The following PRKD2 variants were observed in gnomAD, a reference collection of about 807,000 sequenced individuals.
The protein encoded by PRKD2 is serine/threonine-protein kinase D2.
In PRKD2, 22 loss-of-function variants were observed where a neutral mutation model predicts 86.0. That is an observed-to-expected ratio of 0.26 (90% CI 0.18 to 0.37). The LOEUF (loss-of-function observed/expected upper bound fraction) is 0.37. Among genes scored for constraint, PRKD2 ranks in the 10% least tolerant of loss-of-function variants. PRKD2 has a pLI of 1.00. For missense variants in PRKD2, 818 were observed against 1,199.2 expected (o/e 0.68, Z 4.70); for synonymous variants, 509 against 510.9 (o/e 1.00, Z 0.05).
Position 46,716,309 on chromosome 19 carries a change from G to T in PRKD2, c.62C>A (p.Pro21Gln), listed in dbSNP as rs759742456. The T allele has an allele frequency of 8.5e-6, 13 of 1,521,224 alleles. No homozygotes were observed. The highest frequency in any genetic ancestry group is 1.1e-5 in the Non-Finnish European group (12 of 1,136,726). The allele number at this position is 1,521,224 out of a possible 1,614,324, so 94.2% of individuals were successfully genotyped here. A position where few individuals can be genotyped will look rare whatever the true frequency, so the allele number is the denominator to read the frequency against. The part of the protein sequence containing the change: ...LPGSPGPGSP[P>Q]PPGGLELQSP... ...CTGCAGCTCTAGGCCGCCGGGGGGC[G>T]GAGGAGACCCCGGCCCGGGAGAGCC... The change falls in exon 1 of 18, where the codon CCG (proline) becomes CAG (glutamine). Residue 21 changes from proline (P) to glutamine (Q), a missense_variant. Around this residue, in one of 5 missense-constraint regions of PRKD2, gnomAD observed 403 missense variants for 518.6 expected, o/e 0.78. Coordinates refer to ENST00000291281, the MANE Select transcript of PRKD2 (RefSeq NM_016457.5). This position sits in a 1 kb window ranked among gnomAD's most constrained non-coding sequence, Gnocchi z 7.9.
rs113429103 is a variant in PRKD2, at chr19:46,675,637, G to A, written c.2339-519C>T. Among the ~76,000 whole-genome samples, 1,434 of 152,216 alleles carry A rather than the reference G, an allele frequency of 9.4e-3. 20 individuals are homozygous for A. The highest frequency in any genetic ancestry group is 0.032 in the African/African-American group (1,340 of 41,530). ...TTTTTGTATTTTTAGTAGAGATGGG[G>A]TTTCACCATATTGGCCAGGCTGGTC... On this transcript the variant is annotated intron_variant, in intron 16 of 17. Coordinates refer to ENST00000291281, the MANE Select transcript of PRKD2 (RefSeq NM_016457.5).
intron 15 of PRKD2, among the ~76,000 whole-genome samples, chr19:46,679,068 C>T (rs939210146): frequency 3.9e-5 from 6 of 152,092 alleles, no homozygotes; most frequent in East Asian, 3.8e-4. Flanking sequence ...ATGATTGGGG[C>T]GTGGTGGCTC....
intron 3 of PRKD2, among the ~76,000 whole-genome samples, chr19:46,709,717 G>A (rs2053774780): frequency 6.6e-6 from 1 of 152,064 alleles, no homozygotes; most frequent in African/African-American, 2.4e-5. Context: ...CTGTAAGTGG[G>A]AGAGGTGATC....
At chr19:46,686,422 G>A (rs2050599778) in intron 14 of PRKD2, among the ~76,000 whole-genome samples, 1 of 150,418 alleles carries the variant, frequency 6.6e-6, no homozygotes, top group South Asian at 2.1e-4. Flanking sequence ...GATCGCTCGA[G>A]CCCAGGAGTT....
Position 46,701,045 on chromosome 19 carries a change from A to G in PRKD2, c.957T>C (p.Leu319=). 6.2e-7 allele frequency: 1 copy of G among 1,614,116 alleles called. No individual in the cohort carries two copies. The highest frequency in any genetic ancestry group is 1.1e-5 in the South Asian group (1 of 91,076). The change falls in exon 6 of 18, where the codon CTT becomes CTC. Residue 319 remains leucine, a synonymous_variant. Transcript: ENST00000291281. The part of the protein sequence containing the change: ...RVPNDCLGEA[L]INGDVPMEEA... Reference sequence around the variant, plus strand: ...CCCCCAGCCTCTCACCTCCATTGATAAGGGCCTCCCCCAGGCAGTCATTAG... The same window carrying G: ...CCCCCAGCCTCTCACCTCCATTGATGAGGGCCTCCCCCAGGCAGTCATTAG...
chr19:46,692,843 C>A (rs1239714183), intron 10 of PRKD2, among the ~76,000 whole-genome samples: 1 of 152,198 alleles, frequency 6.6e-6, no homozygotes, highest in African/African-American at 2.4e-5. Context: ...TCATCCTAGA[C>A]TTAGCTAAAT....
intron 7 of PRKD2, among the ~76,000 whole-genome samples, chr19:46,699,971 C>A (rs1419921592): frequency 6.7e-6 from 1 of 150,260 alleles, no homozygotes; most frequent in Non-Finnish European, 1.5e-5. Context: ...CGCGGTGGCT[C>A]ATGCCTGTAA....
chr19:46,703,958 A>AACACACACACATAC (rs1555830819), intron 5 of PRKD2, among the ~76,000 whole-genome samples: 4 of 133,658 alleles, frequency 3.0e-5, no homozygotes, highest in African/African-American at 1.2e-4. Context: ...AAACAACAAC[A>AACACACACACATAC]ACACACACAC....
intron 1 of PRKD2, among the ~76,000 whole-genome samples, chr19:46,715,922 C>T (rs2122190269): frequency 6.6e-6 from 1 of 152,354 alleles, no homozygotes; most frequent in African/African-American, 2.4e-5. Flanking sequence ...TTTGGGGAGG[C>T]CTCTGGGGCA....
chr19:46,699,052 G>A (rs1182010887), intron 7 of PRKD2, among the ~76,000 whole-genome samples: 1 of 152,062 alleles, frequency 6.6e-6, no homozygotes, highest in East Asian at 1.9e-4. Context: ...TCGTCACTGT[G>A]ACTGGCTTAC....
At chr19:46,675,598 C>T (rs529770947) in intron 16 of PRKD2, among the ~76,000 whole-genome samples, 23 of 152,254 alleles carry the variant, frequency 1.5e-4, no homozygotes, top group African/African-American at 5.3e-4. Flanking sequence ...TGTGTGTCAC[C>T]ATGTCCTGCT....
At position 46,690,716 on chromosome 19, in the gene PRKD2, GAGT is replaced by G; in HGVS notation, c.1703-13_1703-11del. 1 of 1,612,120 alleles carries G rather than the reference GAGT, an allele frequency of 6.2e-7. No homozygotes were observed. The highest frequency in any genetic ancestry group is 1.7e-5 in the Admixed American group (1 of 59,990). On this transcript the variant is annotated splice_polypyrimidine_tract_variant and intron_variant, in intron 12 of 17. Coordinates refer to ENST00000291281, the MANE Select transcript of PRKD2 (RefSeq NM_016457.5). ...GTCTTCCGGTGTTTTCCTGCACAGG[GAGT>G]AGAAGAGATGGGGGATGAGAGAGCA...
chr19:46,687,360 C>T (rs1008359381), intron 14 of PRKD2, among the ~76,000 whole-genome samples: 1 of 152,074 alleles, frequency 6.6e-6, no homozygotes, highest in African/African-American at 2.4e-5. Flanking sequence ...CCACTGCACT[C>T]CAGCTCGGGT....
chr19:46,712,717 G>A (rs10425791), intron 2 of PRKD2, among the ~76,000 whole-genome samples: 50,466 of 152,028 alleles, frequency 0.33, 8,445 homozygotes, highest in South Asian at 0.41. Context: ...TCATTGAGCC[G>A]GTTTCACTGG....
At position 46,706,239 on chromosome 19, in the gene PRKD2, T is replaced by C. The variant is rs138273200; in HGVS notation, c.512-1590A>G. ...TGTTTCCCACTGGACGTTCTGTATGTGTGCTCTAATACATCTCCAGTGATT... is the reference window on the plus strand; with the variant it reads ...TGTTTCCCACTGGACGTTCTGTATGCGTGCTCTAATACATCTCCAGTGATT... On this transcript the variant is annotated intron_variant, in intron 3 of 17. Coordinates refer to ENST00000291281, the MANE Select transcript of PRKD2 (RefSeq NM_016457.5). Among the ~76,000 whole-genome samples, 391 of 152,310 alleles carry C rather than the reference T, an allele frequency of 2.6e-3. 2 individuals are homozygous for C. Among genetic ancestry groups the C allele is most frequent in the Non-Finnish European group, 4.4e-3 (299 of 68,030 alleles).
At chr19:46,690,131 C>A (rs901996978) in intron 13 of PRKD2, among the ~76,000 whole-genome samples, 5 of 152,120 alleles carry the variant, frequency 3.3e-5, no homozygotes, top group Non-Finnish European at 5.9e-5. Flanking sequence ...GAGCTCTGCA[C>A]ATCTGTATCT....
chr19:46,690,684 C>T lies in PRKD2; in HGVS notation c.1725G>A (p.Arg575=), dbSNP rs2053470871. 6.2e-7 allele frequency: 1 copy of T among 1,613,960 alleles called. No homozygotes were observed. The highest frequency in any genetic ancestry group is 1.3e-5 in the African/African-American group (1 of 74,902). The change falls in exon 13 of 18, where the codon CGG becomes CGA. Residue 575 remains arginine (R), a synonymous_variant. Coordinates refer to ENST00000291281, the MANE Select transcript of PRKD2 (RefSeq NM_016457.5). ...TGTCAATGACCTTAACTGCCACGTC[C>T]CGGCCTGTCTTCCGGTGTTTTCCTG... ...VYGGKHRKTG[R]DVAVKVIDKL...
At chr19:46,694,221 T>C in intron 9 of PRKD2, 88 bp from the exon 10 acceptor site, 1 of 1,521,834 alleles carries the variant, frequency 6.6e-7, no homozygotes, top group Non-Finnish European at 8.9e-7. Context: ...GGGATCCATG[T>C]TGATAGGGAT....
In PRKD2 at chr19:46,690,680, C is replaced by T. The variant is rs2053470721; in HGVS notation, c.1729G>A (p.Val577Met). Reference sequence around the variant, plus strand: ...AGTTTGTCAATGACCTTAACTGCCACGTCCCGGCCTGTCTTCCGGTGTTTT... The same window carrying T: ...AGTTTGTCAATGACCTTAACTGCCATGTCCCGGCCTGTCTTCCGGTGTTTT... Reference protein sequence around the residue: ...GGKHRKTGRDVAVKVIDKLRF... With the variant: ...GGKHRKTGRDMAVKVIDKLRF... Residue 577 changes from valine (V) to methionine (M), a missense_variant, in exon 13 of 18, where the codon GTG becomes ATG. Coordinates refer to ENST00000291281, the MANE Select transcript of PRKD2 (RefSeq NM_016457.5). 3 of 1,614,094 alleles carry T rather than the reference C, an allele frequency of 1.9e-6. No homozygotes were observed. Among genetic ancestry groups the T allele is most frequent in the Non-Finnish European group, 1.7e-6 (2 of 1,180,008 alleles).
Sources: allele counts gnomAD v4.1 joint callset (sites outside exome capture counted in the v4.1 genomes callset), GRCh38; gene constraint gnomAD v4.1.1; regional missense constraint gnomAD v4.1.1; non-coding constraint Gnocchi (gnomAD v3.1); transcripts MANE v1.5; gene names NCBI Gene and HGNC (gene_info 2026-07-23, HGNC 2026-07-21).